The following ADAMTS3 variants were observed in gnomAD, a reference collection of about 807,000 sequenced individuals.
ADAMTS3 encodes the protein A disintegrin and metalloproteinase with thrombospondin motifs 3.
Under a neutral mutation model 129.0 loss-of-function variants are expected in ADAMTS3, and 73 were observed. That is an observed-to-expected ratio of 0.57 (90% CI 0.47 to 0.69). ADAMTS3 has a LOEUF of 0.69. Ranked by LOEUF, ADAMTS3 falls within the 30% of genes least tolerant of loss-of-function variation. The pLI, the probability that ADAMTS3 is intolerant of heterozygous loss-of-function variation, is 0.00. For missense variants in ADAMTS3, 1,457 were observed against 1,514.5 expected, an observed-to-expected ratio of 0.96 and a Z score of 0.63; for synonymous variants, 477 against 510.8, an observed-to-expected ratio of 0.93 and a Z score of 0.89.
intron 5 of ADAMTS3, among the ~76,000 whole-genome samples, chr4:72,335,327 T>C (rs951519171): frequency 6.6e-6 from 1 of 152,160 alleles, no homozygotes; most frequent in African/African-American, 2.4e-5. Context: ...TTTTACCGCA[T>C]TCATACGCAC....
chr4:72,398,439 G>A (rs912523288), intron 4 of ADAMTS3, among the ~76,000 whole-genome samples: 1 of 152,094 alleles, frequency 6.6e-6, no homozygotes, highest in Admixed American at 6.6e-5. Flanking sequence ...GGTGGGCATA[G>A]TAACGCACAA....
intron 3 of ADAMTS3, among the ~76,000 whole-genome samples, chr4:72,428,796 C>T (rs1319055479): frequency 6.6e-6 from 1 of 151,930 alleles, no homozygotes; most frequent in Non-Finnish European, 1.5e-5. Context: ...TCTCCCAATT[C>T]AATTACTCTA....
chr4:72,526,729 CATACATATATATATATATATATAT>C (rs1419161010), intron 3 of ADAMTS3, among the ~76,000 whole-genome samples: 1 of 42,412 alleles, frequency 2.4e-5, no homozygotes, highest in Non-Finnish European at 4.1e-5. Flanking sequence ...AAAATATATA[CATACATATATATATATATATATAT>C]ATATATATAT....
At chr4:72,460,917 T>G (rs1718750550) in intron 3 of ADAMTS3, among the ~76,000 whole-genome samples, 1 of 151,696 alleles carries the variant, frequency 6.6e-6, no homozygotes, top group Non-Finnish European at 1.5e-5. Flanking sequence ...CCACAGGCAT[T>G]CCTATAGATG....
intron 4 of ADAMTS3, among the ~76,000 whole-genome samples, chr4:72,362,631 T>C (rs1720759301): frequency 6.6e-6 from 1 of 152,118 alleles, no homozygotes; most frequent in Admixed American, 6.6e-5. Flanking sequence ...ACAGCTTAAT[T>C]ATAAAAATTT....
chr4:72,380,373 T>G (rs1234155341), intron 4 of ADAMTS3, among the ~76,000 whole-genome samples: 1 of 152,144 alleles, frequency 6.6e-6, no homozygotes, highest in Non-Finnish European at 1.5e-5. Context: ...GGGTGATGAT[T>G]CCTGTCACTT....
intron 4 of ADAMTS3, among the ~76,000 whole-genome samples, chr4:72,383,446 G>A (rs1354881338): frequency 6.6e-6 from 1 of 152,190 alleles, no homozygotes; most frequent in East Asian, 1.9e-4. Flanking sequence ...AAGAACCAAA[G>A]TACTGAGTTT....
Position 72,526,570 on chromosome 4 carries a change from A to ATGTGTGTGTGTG in ADAMTS3, c.504+21896_504+21907dup, listed in dbSNP as rs56774889. Among the ~76,000 whole-genome samples, 1,090 of 132,026 alleles carry ATGTGTGTGTGTG rather than the reference A, an allele frequency of 8.3e-3. 11 individuals are homozygous for ATGTGTGTGTGTG. The highest frequency in any genetic ancestry group is 0.011 in the African/African-American group (397 of 35,770). The allele number at this position is 132,026 out of a possible 152,430, so 86.6% of individuals were successfully genotyped here. A position where few individuals can be genotyped will look rare whatever the true frequency, so the allele number is the denominator to read the frequency against. On this transcript the variant is annotated intron_variant, in intron 3 of 21. Transcript: ENST00000286657. ...TTAATAAAATATACTAATGAAATTTATGTGTGTGTGTGTGTGTGTGTGTGT... is the reference window on the plus strand; with the variant it reads ...TTAATAAAATATACTAATGAAATTTATGTGTGTGTGTGTGTGTGTGTGTGTGTGTGTGTGTGT...
chr4:72,415,332 C>CA (rs1560507287), intron 3 of ADAMTS3, among the ~76,000 whole-genome samples: 1 of 151,688 alleles, frequency 6.6e-6, no homozygotes. Flanking sequence ...CACATAAATT[C>CA]AAAAAATCTC....
chr4:72,339,255 T>C (rs907022408), intron 5 of ADAMTS3, among the ~76,000 whole-genome samples: 2 of 152,218 alleles, frequency 1.3e-5, no homozygotes, highest in Non-Finnish European at 2.9e-5. Flanking sequence ...AAATTTATGA[T>C]TCCCCCTTGA....
intron 4 of ADAMTS3, among the ~76,000 whole-genome samples, chr4:72,357,325 T>C (rs952835827): frequency 1.4e-4 from 22 of 151,962 alleles, no homozygotes; most frequent in African/African-American, 4.3e-4. Context: ...TACAAAAATA[T>C]TTGTAACTAT....
chr4:72,427,778 C>A (rs1488624030), intron 3 of ADAMTS3, among the ~76,000 whole-genome samples: 2 of 151,990 alleles, frequency 1.3e-5, no homozygotes, highest in Non-Finnish European at 2.9e-5. Flanking sequence ...CTGAGGAGTT[C>A]TTCTGCCTTT....
intron 3 of ADAMTS3, among the ~76,000 whole-genome samples, chr4:72,485,379 T>C (rs1172855713): frequency 6.6e-6 from 1 of 152,102 alleles, no homozygotes; most frequent in African/African-American, 2.4e-5. Context: ...ATTTTAGAAG[T>C]GATATAAATT....
chr4:72,510,173 A>G (rs950514603), intron 3 of ADAMTS3, among the ~76,000 whole-genome samples: 3 of 152,098 alleles, frequency 2.0e-5, no homozygotes, highest in Admixed American at 1.3e-4. Context: ...ATCATATTAA[A>G]TGAGGAAAAA....
intron 4 of ADAMTS3, among the ~76,000 whole-genome samples, chr4:72,385,856 A>T (rs1659013715): frequency 6.6e-6 from 1 of 152,160 alleles, no homozygotes; most frequent in African/African-American, 2.4e-5. Flanking sequence ...CTAAAATAAA[A>T]GTTGGGGAAA....
At chr4:72,428,702 T>C (rs1442533610) in intron 3 of ADAMTS3, among the ~76,000 whole-genome samples, 1 of 152,052 alleles carries the variant, frequency 6.6e-6, no homozygotes, top group Non-Finnish European at 1.5e-5. Flanking sequence ...CTAGCATTAC[T>C]TGTGAAAAGT....
rs563383986 is a variant in ADAMTS3, at chr4:72,440,133, A to T, written c.505-25162T>A. Among the ~76,000 whole-genome samples, 36 of 151,962 alleles carry T rather than the reference A, an allele frequency of 2.4e-4. No homozygotes were observed. The East Asian group carries it at 6.6e-3, about 28-fold the overall frequency. ...AAGGTTACTTGTTACTGCCTAAAAA[A>T]ATGGTGACAATTATATAATACTAAT... On this transcript the variant is annotated intron_variant, in intron 3 of 21. Transcript: ENST00000286657.
intron 3 of ADAMTS3, among the ~76,000 whole-genome samples, chr4:72,506,826 T>C: frequency 6.6e-6 from 1 of 152,134 alleles, no homozygotes; most frequent in Non-Finnish European, 1.5e-5. Context: ...TTTGCCCACA[T>C]TTTCCCCCAC....
intron 3 of ADAMTS3, among the ~76,000 whole-genome samples, chr4:72,526,570 A>ATGTGCGTG (rs1553920786): frequency 2.3e-5 from 3 of 132,088 alleles, no homozygotes; most frequent in Non-Finnish European, 4.8e-5. Flanking sequence ...AATGAAATTT[A>ATGTGCGTG]TGTGTGTGTG....
Sources: allele counts gnomAD v4.1 joint callset (sites outside exome capture counted in the v4.1 genomes callset), GRCh38; gene constraint gnomAD v4.1.1; transcripts MANE v1.5; gene names NCBI Gene and HGNC (gene_info 2026-07-23, HGNC 2026-07-21).